MIS18A: variants seen among roughly 807,000 people sequenced by gnomAD.
MIS18A encodes the protein MIS18 kinetochore protein A.
Under a neutral mutation model 25.0 loss-of-function variants are expected in MIS18A, and 14 were observed. The observed-to-expected ratio is 0.56, with a 90% confidence interval of 0.37 to 0.88. MIS18A has a LOEUF of 0.88. Ranked by LOEUF, MIS18A falls within the 40% of genes least tolerant of loss-of-function variation. The probability of loss-of-function intolerance (pLI) is 0.00; values close to 1 mark genes in which losing one functional copy is unlikely to be tolerated. For missense variants in MIS18A, 292 were observed against 290.8 expected (o/e 1.00, Z -0.03); for synonymous variants, 134 against 118.6 (o/e 1.13, Z -0.84).
the MIS18A span, among the ~76,000 whole-genome samples, chr21:32,229,493 G>A: frequency 2.0e-5 from 3 of 152,064 alleles, no homozygotes; most frequent in Non-Finnish European, 2.9e-5. Flanking sequence ...GTAATTACCC[G>A]CTGCATTAGT....
At chr21:32,239,513 T>C in the MIS18A span, among the ~76,000 whole-genome samples, 32 of 152,322 alleles carry the variant, frequency 2.1e-4, no homozygotes, top group Admixed American at 7.2e-4. Flanking sequence ...GAGAAAAGAA[T>C]TTCTATCACC....
At chr21:32,252,782 T>C in the MIS18A span, among the ~76,000 whole-genome samples, 3 of 152,214 alleles carry the variant, frequency 2.0e-5, no homozygotes, top group African/African-American at 7.2e-5. Flanking sequence ...GATGTATCTG[T>C]TTTTTTCTAA....
the MIS18A span, among the ~76,000 whole-genome samples, chr21:32,174,436 C>T: frequency 6.6e-6 from 1 of 152,154 alleles, no homozygotes; most frequent in African/African-American, 2.4e-5. Flanking sequence ...ACAAGAAGCA[C>T]TGCTAGAGCT....
chr21:32,180,507 T>C, the MIS18A span, among the ~76,000 whole-genome samples: 1 of 152,348 alleles, frequency 6.6e-6, no homozygotes, highest in African/African-American at 2.4e-5. Context: ...GAATGCATTG[T>C]TGTTTCTAAT....
chr21:32,192,173 G>A, the MIS18A span, among the ~76,000 whole-genome samples: 1 of 152,156 alleles, frequency 6.6e-6, no homozygotes, highest in Non-Finnish European at 1.5e-5. Context: ...CCCACTCACT[G>A]TTCCAGTGGA....
chr21:32,271,976 CTG>C (rs1310276875), intron 2 of MIS18A, among the ~76,000 whole-genome samples: 1 of 152,176 alleles, frequency 6.6e-6, no homozygotes, highest in Non-Finnish European at 1.5e-5. Flanking sequence ...ATGAATAAGA[CTG>C]TTTTATCCCG....
chr21:32,176,145 G>C, the MIS18A span, among the ~76,000 whole-genome samples: 1 of 152,106 alleles, frequency 6.6e-6, no homozygotes, highest in Admixed American at 6.5e-5. Context: ...TAAGTAGAAT[G>C]AGTACACTCT....
chr21:32,255,169 GTCT>G, the MIS18A span, among the ~76,000 whole-genome samples: 3 of 151,984 alleles, frequency 2.0e-5, no homozygotes, highest in African/African-American at 7.2e-5. Context: ...TACTTTTACT[GTCT>G]TCATTTCAGT....
chr21:32,278,658 C>CT (rs751921801), intron 1 of MIS18A, 23 bp downstream of exon 1: 30 of 1,495,304 alleles, frequency 2.0e-5, no homozygotes, highest in East Asian at 1.7e-4. Flanking sequence ...CACGCCCCCC[C>CT]TGCCCGGCTC....
chr21:32,215,653 A>G, the MIS18A span, among the ~76,000 whole-genome samples: 1 of 152,118 alleles, frequency 6.6e-6, no homozygotes, highest in Admixed American at 6.6e-5. Context: ...GTTGAAACAC[A>G]AAGATAGCCG....
the MIS18A span, among the ~76,000 whole-genome samples, chr21:32,224,230 C>G: frequency 6.0e-5 from 9 of 149,694 alleles, no homozygotes; most frequent in African/African-American, 2.3e-4. Flanking sequence ...GACAGGGATG[C>G]CCTCTCTCAC....
chr21:32,257,792 T>G, the MIS18A span, among the ~76,000 whole-genome samples: 1 of 152,200 alleles, frequency 6.6e-6, no homozygotes, highest in Non-Finnish European at 1.5e-5. Context: ...CCCAGTGTGC[T>G]GGAACCTCAC....
At chr21:32,163,023 A>G in the MIS18A span, among the ~76,000 whole-genome samples, 2 of 152,194 alleles carry the variant, frequency 1.3e-5, no homozygotes, top group African/African-American at 4.8e-5. Flanking sequence ...TCGCAAAGAA[A>G]ACACAGGAAA....
the MIS18A span, among the ~76,000 whole-genome samples, chr21:32,213,076 A>G: frequency 6.6e-6 from 1 of 152,208 alleles, no homozygotes; most frequent in African/African-American, 2.4e-5. Flanking sequence ...TGGGAGTGTG[A>G]ATTGGTACAA....
At chr21:32,270,262 C>CA (rs11397095) in intron 3 of MIS18A, 145 bp downstream of exon 3, 316,160 of 777,138 alleles carry the variant, frequency 0.41, 27,492 homozygotes, top group African/African-American at 0.69. Context: ...GAGGTCAAAG[C>CA]AAAAAAAAAA....
At chr21:32,204,335 A>G in the MIS18A span, among the ~76,000 whole-genome samples, 6 of 152,010 alleles carry the variant, frequency 3.9e-5, no homozygotes, top group African/African-American at 1.2e-4. Flanking sequence ...CATTGCTACT[A>G]AAACTACAAA....
the MIS18A span, among the ~76,000 whole-genome samples, chr21:32,214,805 C>T: frequency 6.6e-6 from 1 of 152,250 alleles, no homozygotes; most frequent in African/African-American, 2.4e-5. Flanking sequence ...CTGCCACTCA[C>T]TCACTGTGCC....
chr21:32,223,895 C>A, the MIS18A span, among the ~76,000 whole-genome samples: 2 of 152,200 alleles, frequency 1.3e-5, no homozygotes, highest in African/African-American at 2.4e-5. Context: ...TAATGGTCAA[C>A]CAAATCCAGT....
At chr21:32,184,320 A>G in the MIS18A span, among the ~76,000 whole-genome samples, 92,262 of 152,124 alleles carry the variant, frequency 0.61, 29,135 homozygotes, top group African/African-American at 0.79. Context: ...CCAGGATCTC[A>G]CTTCCATACT....
Sources: allele counts gnomAD v4.1 joint callset (sites outside exome capture counted in the v4.1 genomes callset), GRCh38; gene constraint gnomAD v4.1.1; transcripts MANE v1.5; gene names NCBI Gene and HGNC (gene_info 2026-07-23, HGNC 2026-07-21).